GAL3ST1: variants seen among roughly 807,000 people sequenced by gnomAD.
The protein encoded by GAL3ST1 is galactose-3-O-sulfotransferase 1, also known as galactosylceramide sulfotransferase.
Under a neutral mutation model 25.0 loss-of-function variants are expected in GAL3ST1, and 13 were observed. The observed-to-expected ratio is 0.52, with a 90% CI of 0.34 to 0.83. The LOEUF (loss-of-function observed/expected upper bound fraction) is 0.83. Among genes scored for constraint, GAL3ST1 ranks in the 40% least tolerant of loss-of-function variants. The pLI, the probability that GAL3ST1 is intolerant of heterozygous loss-of-function variation, is 0.02. For synonymous variants in GAL3ST1, 274 were observed against 277.8 expected (o/e 0.99, Z 0.14); for missense variants, 474 against 613.6 (o/e 0.77, Z 2.40).
chr22:30,562,815 T>C (rs1463582880), intron 1 of GAL3ST1, among the ~76,000 whole-genome samples: 1 of 152,164 alleles, frequency 6.6e-6, no homozygotes, highest in East Asian at 1.9e-4. Context: ...AAGTAATACA[T>C]GTGAGGCACA....
intron 1 of GAL3ST1, among the ~76,000 whole-genome samples, chr22:30,561,659 C>G (rs565597941): frequency 1.0e-3 from 159 of 152,214 alleles, no homozygotes; most frequent in African/African-American, 3.7e-3. Context: ...GGGAAAGTTG[C>G]ATTGCAGGAA....
chr22:30,572,777 T>G (rs2086820605), intron 1 of GAL3ST1: 1 of 151,924 alleles, frequency 6.6e-6, no homozygotes, highest in South Asian at 2.1e-4. Context: ...GTGGAGCCCC[T>G]AAAAGGGCTC....
intron 3 of GAL3ST1, 122 bp from the exon 4 acceptor site, chr22:30,556,215 GT>G: frequency 1.2e-6 from 1 of 803,006 alleles, no homozygotes; most frequent in Non-Finnish European, 1.9e-6. Flanking sequence ...AGTGAGACCT[GT>G]GGGGCCTGAG....
chr22:30,556,541 G>A (rs1190610741), intron 3 of GAL3ST1, among the ~76,000 whole-genome samples: 1 of 152,186 alleles, frequency 6.6e-6, no homozygotes, highest in Non-Finnish European at 1.5e-5. Flanking sequence ...GCAGCCCCAT[G>A]AGGAAACGGG....
chr22:30,561,915 A>G (rs1232578421), intron 1 of GAL3ST1, among the ~76,000 whole-genome samples: 4 of 152,168 alleles, frequency 2.6e-5, no homozygotes, highest in Admixed American at 6.5e-5. Context: ...CGTGTGTGCA[A>G]TGGACACACA....
chr22:30,567,424 C>A (rs1437883532), intron 1 of GAL3ST1, among the ~76,000 whole-genome samples: 1 of 152,106 alleles, frequency 6.6e-6, no homozygotes, highest in Non-Finnish European at 1.5e-5. Flanking sequence ...AGGTACGCAC[C>A]ACCACGCCTG....
Position 30,554,861 on chromosome 22 carries a change from G to A in GAL3ST1, c.*92C>T. On this transcript the variant is annotated 3_prime_UTR_variant, in exon 4 of 4. Coordinates refer to ENST00000406361, the MANE Select transcript of GAL3ST1 (RefSeq NM_001318104.2). ...CACCCCGGGGTCTGAGGTGGCACCA[G>A]GAGGGGGCTGGGGGCGGCCAGCACC... 1 of 1,055,604 alleles carries A rather than the reference G, an allele frequency of 9.5e-7. No homozygotes were observed. The highest frequency in any genetic ancestry group is 1.3e-6 in the Non-Finnish European group (1 of 755,052). The allele number at this position is 1,055,604 out of a possible 1,614,324, so 65.4% of individuals were successfully genotyped here. A position where few individuals can be genotyped will look rare whatever the true frequency, so the allele number is the denominator to read the frequency against.
intron 1 of GAL3ST1, among the ~76,000 whole-genome samples, chr22:30,565,956 T>C (rs2086606867): frequency 6.6e-6 from 1 of 152,146 alleles, no homozygotes; most frequent in African/African-American, 2.4e-5. Context: ...ATAATGATCA[T>C]TATTGTGACA....
intron 1 of GAL3ST1, among the ~76,000 whole-genome samples, chr22:30,571,518 G>T (rs1285271494): frequency 6.6e-6 from 1 of 152,188 alleles, no homozygotes; most frequent in Non-Finnish European, 1.5e-5. Flanking sequence ...GTTCTTTGAT[G>T]ATTCAGAAAG....
chr22:30,568,734 G>A (rs2086696874), intron 1 of GAL3ST1, among the ~76,000 whole-genome samples: 1 of 152,136 alleles, frequency 6.6e-6, no homozygotes, highest in South Asian at 2.1e-4. Context: ...GGCTGGGTGG[G>A]CAGGGGAGAG....
intron 1 of GAL3ST1, among the ~76,000 whole-genome samples, chr22:30,567,034 G>A (rs542920122): frequency 2.8e-4 from 42 of 152,090 alleles, no homozygotes; most frequent in Non-Finnish European, 5.4e-4. Flanking sequence ...TTGGCTCACT[G>A]CAACCTCTGC....
Position 30,554,844 on chromosome 22 carries a change from G to T in GAL3ST1, c.*109C>A. 1 of 847,890 alleles carries T rather than the reference G, an allele frequency of 1.2e-6. No homozygotes were observed. The highest frequency in any genetic ancestry group is 2.0e-5 in the South Asian group (1 of 50,692). 52.5% of individuals were successfully genotyped at this position (847,890 alleles called of 1,614,324 possible). On this transcript the variant is annotated 3_prime_UTR_variant, in exon 4 of 4. Coordinates refer to ENST00000406361, the MANE Select transcript of GAL3ST1 (RefSeq NM_001318104.2). ...CCCAGGGAGCCCCCCCTCACCCCGG[G>T]GTCTGAGGTGGCACCAGGAGGGGGC...
chr22:30,555,221 C>A lies in GAL3ST1; in HGVS notation c.1004G>T (p.Arg335Leu). 2 of 1,598,846 alleles carry A rather than the reference C, an allele frequency of 1.3e-6. No individual in the cohort carries two copies. The highest frequency in any genetic ancestry group is 1.7e-6 in the Non-Finnish European group (2 of 1,175,784). The change falls in exon 4 of 4, where the codon CGC (arginine) becomes CTC (leucine). Residue 335 changes from arginine to leucine, a missense_variant. Physicochemically the swap from Arg to Leu is moderately radical, Grantham distance 102. Transcript: ENST00000406361. The surrounding 1 kb of genome is among the most constrained non-coding windows in gnomAD (Gnocchi z 8.6). ...ERMAREVAAL[R>L]HANERMRTIC... ...GGTCCGCATGCGCTCGTTGGCATGGCGCAGGGCGGCCACCTCGCGGGCCAT... is the reference window on the plus strand; with the variant it reads ...GGTCCGCATGCGCTCGTTGGCATGGAGCAGGGCGGCCACCTCGCGGGCCAT...
At chr22:30,573,079 A>G (rs1385574617) in intron 1 of GAL3ST1, among the ~76,000 whole-genome samples, 1 of 152,188 alleles carries the variant, frequency 6.6e-6, no homozygotes, top group African/African-American at 2.4e-5. Context: ...CAAGCAGGGA[A>G]TAAAGCAGGC....
At position 30,554,769 on chromosome 22, in the gene GAL3ST1, G is replaced by A. The variant is rs1166588258; in HGVS notation, c.*184C>T. On this transcript the variant is annotated 3_prime_UTR_variant, in exon 4 of 4. Coordinates refer to ENST00000406361, the MANE Select transcript of GAL3ST1 (RefSeq NM_001318104.2). The stretch of plus-strand genomic sequence containing the variant: ...GTATAATTAGTTAAATACTGATCTC[G>A]GTTAGGCCCTCTCTGTGTTCATGGG... 3.7e-6 allele frequency: 2 copies of A among 536,756 alleles called. No individual in the cohort carries two copies. The highest frequency in any genetic ancestry group is 3.6e-5 in the Admixed American group (1 of 27,946). 33.2% of individuals were successfully genotyped at this position (536,756 alleles called of 1,614,324 possible). A position where few individuals can be genotyped will look rare whatever the true frequency, so the allele number is the denominator to read the frequency against.
At chr22:30,571,757 G>A (rs1409203577) in intron 1 of GAL3ST1, among the ~76,000 whole-genome samples, 2 of 152,126 alleles carry the variant, frequency 1.3e-5, no homozygotes, top group Non-Finnish European at 2.9e-5. Flanking sequence ...CCAGCTACTC[G>A]GGAGGCTGAG....
rs11330493 is a variant in GAL3ST1 at position 30,570,786 on chromosome 22, C to CA, written c.-120+3679dup. 7.2e-3 allele frequency among the ~76,000 whole-genome samples: 1,035 copies of CA among 144,198 alleles called. 10 individuals are homozygous for CA. The highest frequency in any genetic ancestry group is 0.026 in the South Asian group (119 of 4,566). The allele number at this position is 144,198 out of a possible 152,430, so 94.6% of individuals were successfully genotyped here. On this transcript the variant is annotated intron_variant, in intron 1 of 3. Coordinates refer to ENST00000406361, the MANE Select transcript of GAL3ST1 (RefSeq NM_001318104.2). ...AGGCAAAAAGAACGAAACTCCGTCT[C>CA]AAAAAAAAAAAAAGAGTTGCCTAAT...
intron 1 of GAL3ST1, among the ~76,000 whole-genome samples, chr22:30,560,570 T>C (rs1041637145): frequency 5.3e-5 from 8 of 151,952 alleles, no homozygotes; most frequent in African/African-American, 9.7e-5. Context: ...CCTGTCAGCC[T>C]CCCACTTCTC....
At chr22:30,570,145 C>T (rs960602597) in intron 1 of GAL3ST1, among the ~76,000 whole-genome samples, 3 of 152,202 alleles carry the variant, frequency 2.0e-5, no homozygotes, top group African/African-American at 4.8e-5. Flanking sequence ...GTGCTGTTTG[C>T]TCATATGCAC....
Sources: gnomAD v4.1 joint callset for allele counts (sites outside exome capture counted in the v4.1 genomes callset) on GRCh38, gnomAD v4.1.1 for gene constraint, Gnocchi (gnomAD v3.1) non-coding constraint, MANE v1.5 for transcripts, NCBI Gene and HGNC (gene_info 2026-07-23, HGNC 2026-07-21) for gene names.